Variants in SOCS7 observed in about 807,000 individuals in gnomAD.
SOCS7 encodes the protein NAP-4.
SOCS7 carries 18 observed loss-of-function variants against 58.9 expected under a neutral mutation model. The ratio of observed to expected loss-of-function variants is 0.31; its 90% CI spans 0.21 to 0.45. The LOEUF is 0.45. Among genes scored for constraint, SOCS7 ranks in the 20% least tolerant of loss-of-function variants. The probability of loss-of-function intolerance (pLI) is 1.00; values close to 1 mark genes in which losing one functional copy is unlikely to be tolerated. For synonymous variants in SOCS7, 388 were observed against 364.3 expected, an observed-to-expected ratio of 1.06 and a Z score of -0.74; for missense variants, 667 against 837.3, an observed-to-expected ratio of 0.80 and a Z score of 2.51.
At chr17:38,358,545 A>T (rs2037670589) in intron 1 of SOCS7, among the ~76,000 whole-genome samples, 1 of 151,206 alleles carries the variant, frequency 6.6e-6, no homozygotes, top group Admixed American at 6.6e-5. Context: ...GGTAACCACC[A>T]TCCTCAATTT....
At chr17:38,382,150 C>T (rs765766469) in intron 7 of SOCS7, among the ~76,000 whole-genome samples, 28 of 150,484 alleles carry the variant, frequency 1.9e-4, no homozygotes, top group Middle Eastern at 3.5e-3. Context: ...ATGCTTTGAT[C>T]AGGCTTGGTG....
chr17:38,359,813 G>C (rs1446210252), intron 1 of SOCS7, among the ~76,000 whole-genome samples: 2 of 151,548 alleles, frequency 1.3e-5, no homozygotes, highest in Non-Finnish European at 2.9e-5. Flanking sequence ...CAAGGTCTCT[G>C]TCACCCAGGC....
rs3748725 is a variant in SOCS7 at position 38,401,884 on chromosome 17, A to G, written c.*2402A>G. 42,672 of 152,258 alleles carry G rather than the reference A, an allele frequency of 0.28. 8,723 individuals are homozygous for G. Among genetic ancestry groups the G allele is most frequent in the African/African-American group, 0.58 (24,101 of 41,462 alleles). The allele number at this position is 152,258 out of a possible 1,614,324, so 9.4% of individuals were successfully genotyped here. A position where few individuals can be genotyped will look rare whatever the true frequency, so the allele number is the denominator to read the frequency against. On this transcript the variant is annotated 3_prime_UTR_variant, in exon 10 of 10. Transcript: ENST00000612932. The stretch of plus-strand genomic sequence containing the variant: ...CAGCCACCAGGCAGACCTGAGTGCC[A>G]AGGGGTTATGATGGTGAGGTGGAGC...
At chr17:38,381,941 T>A (rs2038005854) in intron 7 of SOCS7, among the ~76,000 whole-genome samples, 1 of 103,372 alleles carries the variant, frequency 9.7e-6, no homozygotes. Flanking sequence ...CCAAAGACTC[T>A]GTCTCAAAAA....
chr17:38,401,385 C>T lies in SOCS7; in HGVS notation c.*1903C>T, dbSNP rs2144417133. On this transcript the variant is annotated 3_prime_UTR_variant, in exon 10 of 10. Coordinates refer to ENST00000612932, the MANE Select transcript of SOCS7 (RefSeq NM_014598.4). Reference sequence around the variant, plus strand: ...ACTCGCCATCTTGCAGGAAGTGCCACCCCAATATAGAGCCTGAAGTTGGAA... The same window carrying T: ...ACTCGCCATCTTGCAGGAAGTGCCATCCCAATATAGAGCCTGAAGTTGGAA... 6.6e-6 allele frequency: 1 copy of T among 152,242 alleles called. No individual in the cohort carries two copies. The highest frequency in any genetic ancestry group is 6.5e-5 in the Admixed American group (1 of 15,282). 9.4% of individuals were successfully genotyped at this position (152,242 alleles called of 1,614,324 possible).
intron 1 of SOCS7, among the ~76,000 whole-genome samples, chr17:38,360,937 C>A (rs1219325555): frequency 6.6e-6 from 1 of 152,196 alleles, no homozygotes; most frequent in African/African-American, 2.4e-5. Flanking sequence ...TTGTTGGAGT[C>A]TTTTGAGTTT....
intron 6 of SOCS7, among the ~76,000 whole-genome samples, chr17:38,376,646 C>T (rs565590088): frequency 1.3e-5 from 2 of 151,772 alleles, no homozygotes; most frequent in Non-Finnish European, 2.9e-5. Flanking sequence ...GCGGGAGAAT[C>T]ACTTGAACCC....
intron 6 of SOCS7, among the ~76,000 whole-genome samples, chr17:38,371,427 G>A (rs998129136): frequency 9.2e-5 from 14 of 152,050 alleles, no homozygotes; most frequent in African/African-American, 3.1e-4. Context: ...GTGCCACCAC[G>A]CCCAGCTAAT....
At chr17:38,393,658 T>C (rs2038206780) in intron 7 of SOCS7, among the ~76,000 whole-genome samples, 3 of 130,118 alleles carry the variant, frequency 2.3e-5, no homozygotes, top group South Asian at 2.4e-4. Flanking sequence ...ACAAACACTT[T>C]GGGAGGCTGA....
In SOCS7 at chr17:38,352,654, T is replaced by A. The variant is rs1471053958; in HGVS notation, c.602T>A (p.Leu201His). The change falls in exon 1 of 10, where the codon CTC becomes CAC. Residue 201 changes from leucine to histidine, a missense_variant. This residue lies in a region of SOCS7 where 208 missense variants were observed against 190.3 expected (regional missense o/e 1.09). Transcript: ENST00000612932. The surrounding 1 kb of genome is among the most constrained non-coding windows in gnomAD (Gnocchi z 5.5). ...ACTAACAGCTGCTCGGAAGAGGAGCTCAGCAGCCCGGGTCGCGGAGGAGGA... is the reference window on the plus strand; with the variant it reads ...ACTAACAGCTGCTCGGAAGAGGAGCACAGCAGCCCGGGTCGCGGAGGAGGA... ...LETNSCSEEE[L>H]SSPGRGGGGG... The A allele has an allele frequency of 6.5e-7, 1 of 1,549,858 alleles. No homozygotes were observed.
intron 5 of SOCS7, among the ~76,000 whole-genome samples, chr17:38,367,095 G>A (rs370856959): frequency 1.7e-4 from 26 of 152,004 alleles, no homozygotes; most frequent in African/African-American, 6.0e-4. Context: ...ACTGAGTTTC[G>A]CTCTTGTTGC....
intron 1 of SOCS7, among the ~76,000 whole-genome samples, chr17:38,360,696 C>T (rs1237382945): frequency 6.6e-6 from 1 of 152,020 alleles, no homozygotes; most frequent in Non-Finnish European, 1.5e-5. Context: ...CCCGCCACCA[C>T]ACCCGGCTAA....
intron 7 of SOCS7, among the ~76,000 whole-genome samples, chr17:38,382,350 A>C (rs2038013560): frequency 6.7e-6 from 1 of 148,596 alleles, no homozygotes; most frequent in African/African-American, 2.5e-5. Context: ...AGGTAGGAGG[A>C]TCTCTTAGGC....
chr17:38,384,891 CTTTTTTTTT>C (rs71138614), intron 7 of SOCS7, among the ~76,000 whole-genome samples: 2 of 76,640 alleles, frequency 2.6e-5, no homozygotes, highest in African/African-American at 6.0e-5. Context: ...GCACCCAGCT[CTTTTTTTTT>C]TTTTTTTTTT....
intron 7 of SOCS7, among the ~76,000 whole-genome samples, chr17:38,387,459 A>G (rs2038088614): frequency 6.9e-6 from 1 of 144,326 alleles, no homozygotes; most frequent in Admixed American, 7.2e-5. Flanking sequence ...AAATATATAC[A>G]TATATACACA....
At chr17:38,355,305 G>A (rs2037622701) in intron 1 of SOCS7, among the ~76,000 whole-genome samples, 1 of 152,222 alleles carries the variant, frequency 6.6e-6, no homozygotes, top group Non-Finnish European at 1.5e-5. Flanking sequence ...TTGTTGAGAA[G>A]AGAAATCTAG....
chr17:38,403,620 G>T lies in SOCS7; in HGVS notation c.*4138G>T, dbSNP rs2038352158. On this transcript the variant is annotated 3_prime_UTR_variant, in exon 10 of 10. Transcript: ENST00000612932. ...TGTGCATATGCATGCATGTGTGTGT[G>T]TGTGTGTGTCCTCATTTGCAGAAGT... 2 of 152,318 alleles carry T rather than the reference G, an allele frequency of 1.3e-5. No individual in the cohort carries two copies. The highest frequency in any genetic ancestry group is 6.5e-5 in the Admixed American group (1 of 15,284). 9.4% of individuals were successfully genotyped at this position (152,318 alleles called of 1,614,324 possible).
At chr17:38,387,102 AAT>A (rs71368482) in intron 7 of SOCS7, among the ~76,000 whole-genome samples, 12,624 of 50,558 alleles carry the variant, frequency 0.25, 2,112 homozygotes, top group East Asian at 0.32. Context: ...AAAAAAAAAA[AAT>A]ATATATATAT....
chr17:38,391,502 C>T (rs542001921), intron 7 of SOCS7, among the ~76,000 whole-genome samples: 1 of 152,152 alleles, frequency 6.6e-6, no homozygotes, highest in Non-Finnish European at 1.5e-5. Context: ...GCAGTCCTCC[C>T]ACTTAAGCCT....
Sources: gnomAD v4.1 joint callset for allele counts (sites outside exome capture counted in the v4.1 genomes callset) on GRCh38, gnomAD v4.1.1 for gene constraint, gnomAD v4.1.1 regional missense constraint, Gnocchi (gnomAD v3.1) non-coding constraint, MANE v1.5 for transcripts, NCBI Gene and HGNC (gene_info 2026-07-23, HGNC 2026-07-21) for gene names.